RBFOX1: variants seen among roughly 807,000 people sequenced by gnomAD.
RBFOX1 encodes the protein RNA binding protein fox-1 homolog 1.
In RBFOX1, 8 loss-of-function variants were observed where a neutral mutation model predicts 57.7. The ratio of observed to expected loss-of-function variants is 0.14; its 90% CI spans 0.08 to 0.25. The LOEUF is 0.25. RBFOX1 is among the 10% of genes least tolerant of loss of function. The probability of loss-of-function intolerance (pLI) is 1.00; values close to 1 mark genes in which losing one functional copy is unlikely to be tolerated. For missense variants in RBFOX1, 611 were observed against 548.5 expected (o/e 1.11, Z -1.14); for synonymous variants, 326 against 222.4 (o/e 1.47, Z -4.15).
In RBFOX1 at chr16:7,052,039, A is replaced by ATTTTC. The variant is rs774739041; in HGVS notation, c.-15-9_-15-5dup. On this transcript the variant is annotated splice_polypyrimidine_tract_variant and intron_variant, in intron 3 of 15. Coordinates refer to ENST00000550418, the MANE Select transcript of RBFOX1 (RefSeq NM_018723.4). ...CGGAGCCTTCTGACTTTTCCCCTTC[A>ATTTTC]TTTTCTTTTCTTTCTAGGTTTCAAG... 1 of 1,609,494 alleles carries ATTTTC rather than the reference A, an allele frequency of 6.2e-7. No individual in the cohort carries two copies. The highest frequency in any genetic ancestry group is 1.7e-4 in the Middle Eastern group (1 of 6,052).
At chr16:7,511,607 TAA>T (rs747100667) in intron 4 of RBFOX1, among the ~76,000 whole-genome samples, 1 of 151,978 alleles carries the variant, frequency 6.6e-6, no homozygotes, top group Non-Finnish European at 1.5e-5. Context: ...GTAAAATATT[TAA>T]ATTGAAATGA....
At chr16:6,063,890 CT>C (rs2095722886) in intron 1 of RBFOX1, among the ~76,000 whole-genome samples, 1 of 152,186 alleles carries the variant, frequency 6.6e-6, no homozygotes, top group South Asian at 2.1e-4. Flanking sequence ...CAAGATTTCT[CT>C]CTCCAGAATT....
At chr16:6,576,455 A>T (rs185724913) in intron 2 of RBFOX1, among the ~76,000 whole-genome samples, 1 of 152,210 alleles carries the variant, frequency 6.6e-6, no homozygotes, top group African/African-American at 2.4e-5. Context: ...ACATTGTAAC[A>T]TAATATTATT....
intron 3 of RBFOX1, among the ~76,000 whole-genome samples, chr16:6,782,669 T>C (rs796209359): frequency 5.3e-5 from 8 of 152,300 alleles, no homozygotes; most frequent in African/African-American, 1.7e-4. Context: ...CTGGAGAATA[T>C]TTTATGTGCC....
At chr16:6,740,458 A>C (rs1202041199) in intron 3 of RBFOX1, among the ~76,000 whole-genome samples, 1 of 152,232 alleles carries the variant, frequency 6.6e-6, no homozygotes, top group Non-Finnish European at 1.5e-5. Context: ...AACTATCCTT[A>C]TTAGTGGATT....
intron 4 of RBFOX1, among the ~76,000 whole-genome samples, chr16:7,324,014 TTTTTGTTTTG>T (rs564985147): frequency 2.2e-4 from 34 of 152,132 alleles, no homozygotes; most frequent in Non-Finnish European, 4.4e-4. Context: ...ATCCAGCAGT[TTTTTGTTTTG>T]TTTTGTTTTG....
At chr16:6,248,251 G>T (rs2097580820) in intron 1 of RBFOX1, among the ~76,000 whole-genome samples, 1 of 152,184 alleles carries the variant, frequency 6.6e-6, no homozygotes, top group Non-Finnish European at 1.5e-5. Flanking sequence ...ATGGAACTGG[G>T]GGTGGGAGGA....
intron 3 of RBFOX1, among the ~76,000 whole-genome samples, chr16:6,857,888 C>G (rs1032954258): frequency 1.1e-4 from 17 of 152,176 alleles, no homozygotes; most frequent in Non-Finnish European, 2.1e-4. Context: ...AAATCCTGAG[C>G]TAATGAGCCT....
intron 3 of RBFOX1, among the ~76,000 whole-genome samples, chr16:6,936,255 C>G (rs1382206243): frequency 2.0e-5 from 3 of 152,094 alleles, no homozygotes; most frequent in Non-Finnish European, 4.4e-5. Context: ...GGATATTAAG[C>G]CTAAATCAGA....
intron 2 of RBFOX1, among the ~76,000 whole-genome samples, chr16:6,444,523 C>G (rs1169330456): frequency 6.6e-6 from 1 of 152,166 alleles, no homozygotes; most frequent in Non-Finnish European, 1.5e-5. Flanking sequence ...CCTGCACAAG[C>G]TCTCTCTCTT....
intron 3 of RBFOX1, among the ~76,000 whole-genome samples, chr16:7,021,498 T>G (rs11863910): frequency 3.4e-5 from 5 of 145,850 alleles, no homozygotes; most frequent in African/African-American, 1.2e-4. Context: ...TATTAATATT[T>G]TATATAAATA....
intron 1 of RBFOX1, among the ~76,000 whole-genome samples, chr16:6,243,078 A>G (rs892301502): frequency 1.3e-5 from 2 of 152,102 alleles, no homozygotes; most frequent in Non-Finnish European, 1.5e-5. Flanking sequence ...ATTCCCACTC[A>G]TGTAAGAGTC....
intron 1 of RBFOX1, among the ~76,000 whole-genome samples, chr16:6,294,766 G>A (rs1289075821): frequency 6.6e-6 from 1 of 152,108 alleles, no homozygotes; most frequent in Non-Finnish European, 1.5e-5. Flanking sequence ...GTATAATTCT[G>A]GAAATGTTCC....
rs146051716 is a variant in RBFOX1 at position 7,264,173 on chromosome 16, C to G, written c.27+212075C>G. ...AACTGATGTGCTAGGCTCCTGGACTCCAGACCTCAAGCACTTAGCCAGTAA... is the reference window on the plus strand; with the variant it reads ...AACTGATGTGCTAGGCTCCTGGACTGCAGACCTCAAGCACTTAGCCAGTAA... On this transcript the variant is annotated intron_variant, in intron 4 of 15. Transcript: ENST00000550418. Among the ~76,000 whole-genome samples the G allele has an allele frequency of 6.6e-5, 10 of 152,240 alleles. No individual in the cohort carries two copies. The East Asian group carries it at 1.7e-3, about 27-fold the overall frequency.
chr16:7,106,316 G>T (rs1211565405), intron 4 of RBFOX1, among the ~76,000 whole-genome samples: 1 of 152,192 alleles, frequency 6.6e-6, no homozygotes, highest in Non-Finnish European at 1.5e-5. Flanking sequence ...CCTGGTCAGA[G>T]AATGTACAGC....
At chr16:6,451,902 A>T (rs996117202) in intron 2 of RBFOX1, among the ~76,000 whole-genome samples, 4 of 148,038 alleles carry the variant, frequency 2.7e-5, no homozygotes, top group Middle Eastern at 3.5e-3. Context: ...ACTCCCTCCC[A>T]TGACTCCATC....
At chr16:5,357,964 A>T (rs774719337) in intron 1 of RBFOX1, among the ~76,000 whole-genome samples, 16 of 152,228 alleles carry the variant, frequency 1.1e-4, no homozygotes, top group Non-Finnish European at 7.3e-5. Context: ...GGGGGACTTT[A>T]TTAGTTTCCT....
rs2096993023 is a variant in RBFOX1 at position 6,175,037 on chromosome 16, A to T, written c.-126-141958A>T. ...TTCTTTAACCATAGTGTGGTAATAG[A>T]AACCATACGTATCTCCCAGAGTTGT... On this transcript the variant is annotated intron_variant, in intron 1 of 15. Coordinates refer to ENST00000550418, the MANE Select transcript of RBFOX1 (RefSeq NM_018723.4). 8.5e-5 allele frequency among the ~76,000 whole-genome samples: 13 copies of T among 152,218 alleles called. 1 individual carries two copies. The South Asian group carries it at 2.7e-3, about 31-fold the overall frequency.
chr16:6,016,593 A>G (rs191504621), upstream of RBFOX1, among the ~76,000 whole-genome samples: 25 of 152,316 alleles, frequency 1.6e-4, no homozygotes, highest in African/African-American at 6.0e-4. Context: ...AAGGCTACAA[A>G]GTCCTTGTTC....
Sources: gnomAD v4.1 joint callset for allele counts (sites outside exome capture counted in the v4.1 genomes callset) on GRCh38, gnomAD v4.1.1 for gene constraint, MANE v1.5 for transcripts, NCBI Gene and HGNC (gene_info 2026-07-23, HGNC 2026-07-21) for gene names.